Variants in DNAAF3 observed in about 807,000 individuals in gnomAD.
The protein encoded by DNAAF3 is dynein axonemal assembly factor 3, also known as UPF0470 protein C19orf51.
In DNAAF3, 40 loss-of-function variants were observed where a neutral mutation model predicts 50.9. That is an observed-to-expected ratio of 0.79 (90% CI 0.61 to 1.02). DNAAF3 has a LOEUF of 1.02. DNAAF3 is among the 50% of genes least tolerant of loss of function. The pLI is 0.00. For missense variants in DNAAF3, 763 were observed against 744.7 expected (o/e 1.02, Z -0.29); for synonymous variants, 327 against 322.8 (o/e 1.01, Z -0.14).
At position 55,160,757 on chromosome 19, in the gene DNAAF3, G is replaced by C. The variant is rs1435089653; in HGVS notation, c.931C>G (p.Gln311Glu). ...CGGAGCAGCTCCGTCACGTTGTGTT[G>C]AGTGATCTCCCCGGCCGTCTAACAG... is the stretch of plus-strand genomic sequence containing the variant. ...QPVKTAGEIT[Q>E]HNVTELLRDV... The change falls in exon 9 of 12, where the codon CAA becomes GAA. Residue 311 changes from glutamine to glutamate, a missense_variant. Gln to Glu is a conservative substitution (Grantham distance 29, BLOSUM62 2). Coordinates refer to ENST00000524407, the MANE Select transcript of DNAAF3 (RefSeq NM_001256715.2). The surrounding 1 kb of genome is among the most constrained non-coding windows in gnomAD (Gnocchi z 4.7). 3.7e-6 allele frequency: 6 copies of C among 1,611,530 alleles called. No individual in the cohort carries two copies. Among genetic ancestry groups the C allele is most frequent in the Non-Finnish European group, 5.1e-6 (6 of 1,179,662 alleles).
chr19:55,159,212 G>GC lies in DNAAF3; in HGVS notation c.1475dup (p.Leu493ProfsTer13), dbSNP rs1258490043. On this transcript the variant is annotated frameshift_variant, in exon 12 of 12. Transcript: ENST00000524407. LOFTEE classifies it low-confidence loss of function (END_TRUNC). ...TCCCACCCTGCAGAGGCTGGGTCAG[G>GC]CCCTCAAGGGCTGGGTTGCTGGCTT... 7 of 1,613,788 alleles carry GC rather than the reference G, an allele frequency of 4.3e-6. No individual in the cohort carries two copies. In the African/African-American group the frequency reaches 9.3e-5, roughly 22 times the overall value.
In DNAAF3 at chr19:55,158,985, C is replaced by T; in HGVS notation, c.*77G>A. The T allele has an allele frequency of 6.8e-7, 1 of 1,480,632 alleles. No homozygotes were observed. The highest frequency in any genetic ancestry group is 9.0e-7 in the Non-Finnish European group (1 of 1,105,904). 91.7% of individuals were successfully genotyped at this position (1,480,632 alleles called of 1,614,324 possible). ...TAAAATTGAGGACTCTAGCAGCGGA[C>T]TTAGAATGGTATCAGCGGGTTCTCA... is the stretch of plus-strand genomic sequence containing the variant. On this transcript the variant is annotated 3_prime_UTR_variant, in exon 12 of 12. Transcript: ENST00000524407.
chr19:55,162,444 G>T, intron 4 of DNAAF3, 154 bp from the exon 5 acceptor site: 1 of 973,404 alleles, frequency 1.0e-6, no homozygotes, highest in Non-Finnish European at 1.3e-6. Context: ...GAACAGGGCC[G>T]GACATGGTGG....
At chr19:55,162,997 C>CTTTTTTTTT (rs576178532) in intron 4 of DNAAF3, among the ~76,000 whole-genome samples, 48 of 92,202 alleles carry the variant, frequency 5.2e-4, no homozygotes, top group Non-Finnish European at 8.1e-4. Flanking sequence ...TTTTCTTTTT[C>CTTTTTTTTT]TTTTTTTTTT....
chr19:55,161,897 C>T lies in DNAAF3; in HGVS notation c.481-72G>A. 1 of 1,368,474 alleles carries T rather than the reference C, an allele frequency of 7.3e-7. No homozygotes were observed. Among genetic ancestry groups the T allele is most frequent in the Non-Finnish European group, 9.4e-7 (1 of 1,062,414 alleles). 84.8% of individuals were successfully genotyped at this position (1,368,474 alleles called of 1,614,324 possible). A position where few individuals can be genotyped will look rare whatever the true frequency, so the allele number is the denominator to read the frequency against. ...GCAGGGAGAGCGGATTCTAATTGAC[C>T]CTCTCTTCCATCCCAGAACAGGGGA... On this transcript the variant is annotated intron_variant, in intron 5 of 11. Transcript: ENST00000524407. This position sits in a 1 kb window ranked among gnomAD's most constrained non-coding sequence, Gnocchi z 6.4.
Position 55,161,316 on chromosome 19 carries a change from C to T in DNAAF3, c.766G>A (p.Ala256Thr). 1 of 1,610,822 alleles carries T rather than the reference C, an allele frequency of 6.2e-7. No homozygotes were observed. The highest frequency in any genetic ancestry group is 8.5e-7 in the Non-Finnish European group (1 of 1,178,508). ...ACGTAGCTCAGGAGGCGACCGGACG[C>T]CAGGGTCCGGTTGGGCACATGATAG... ...SAYHVPNRTL[A>T]SGRLLSYRGE... The change falls in exon 7 of 12, where the codon GCG (alanine) becomes ACG (threonine). Residue 256 changes from alanine (A) to threonine (T), a missense_variant. Ala to Thr is a moderately conservative substitution (Grantham distance 58). Transcript: ENST00000524407. The surrounding 1 kb of genome is among the most constrained non-coding windows in gnomAD (Gnocchi z 6.4).
chr19:55,164,769 C>T (rs1458558541), intron 4 of DNAAF3, among the ~76,000 whole-genome samples: 1 of 152,006 alleles, frequency 6.6e-6, no homozygotes, highest in African/African-American at 2.4e-5. Flanking sequence ...GTGATCTGCC[C>T]ACCTCAGCCT....
At chr19:55,162,044 G>A in intron 5 of DNAAF3, 89 bp downstream of exon 5, 1 of 1,324,240 alleles carries the variant, frequency 7.6e-7, no homozygotes, top group African/African-American at 1.5e-5. Flanking sequence ...CTAGCCCGCC[G>A]CCTGCTCCAT....
In DNAAF3 at chr19:55,160,719, G is replaced by A. The variant is rs899402543; in HGVS notation, c.969C>T (p.Ala323=). 42 of 1,613,114 alleles carry A rather than the reference G, an allele frequency of 2.6e-5. No individual in the cohort carries two copies. The highest frequency in any genetic ancestry group is 3.6e-5 in the Non-Finnish European group (42 of 1,179,900). The change falls in exon 9 of 12, where the codon GCC becomes GCT. Residue 323 remains alanine (A), a synonymous_variant. Coordinates refer to ENST00000524407, the MANE Select transcript of DNAAF3 (RefSeq NM_001256715.2). The surrounding 1 kb of genome is among the most constrained non-coding windows in gnomAD (Gnocchi z 4.7). The part of the protein sequence containing the change: ...NVTELLRDVA[A]WGRARATGGD... ...CCCCGGTGGCTCTCGCGCGCCCCCA[G>A]GCGGCCACGTCGCGGAGCAGCTCCG...
chr19:55,162,690 G>A (rs958830402), intron 4 of DNAAF3: 62 of 987,038 alleles, frequency 6.3e-5, no homozygotes, highest in Non-Finnish European at 7.1e-5. Context: ...CAACACAACA[G>A]TAAAAAATAA....
Position 55,159,111 on chromosome 19 carries a change from C to T in DNAAF3, c.1577G>A (p.Gly526Glu), listed in dbSNP as rs770223653. ...SLSEVLAQPQ[G>E]ALAPPNCESD... ...CTCACAGTTGGGCGGAGCCAAGGCC[C>T]CCTGAGGCTGAGCCAGAACCTCTGA... The change falls in exon 12 of 12, where the codon GGG becomes GAG. Residue 526 changes from glycine (G) to glutamate (E), a missense_variant. Physicochemically the swap from Gly to Glu is moderately conservative, Grantham distance 98 (BLOSUM62 -2). Coordinates refer to ENST00000524407, the MANE Select transcript of DNAAF3 (RefSeq NM_001256715.2). 3.7e-6 allele frequency: 6 copies of T among 1,612,150 alleles called. No homozygotes were observed. The highest frequency in any genetic ancestry group is 2.2e-5 in the East Asian group (1 of 44,842).
rs978101515 is a variant in DNAAF3, at chr19:55,160,990, C to A, written c.912+75G>T. ...GGTCTGGAGCTGGGGGCGGGGCCTGCTGTGGGGGCGGGGCCTTGCGCACCC... is the reference window on the plus strand; with the variant it reads ...GGTCTGGAGCTGGGGGCGGGGCCTGATGTGGGGGCGGGGCCTTGCGCACCC... On this transcript the variant is annotated intron_variant, in intron 8 of 11. Coordinates refer to ENST00000524407, the MANE Select transcript of DNAAF3 (RefSeq NM_001256715.2). The surrounding 1 kb of genome is among the most constrained non-coding windows in gnomAD (Gnocchi z 4.7). The A allele has an allele frequency of 3.4e-6, 5 of 1,475,676 alleles. No individual in the cohort carries two copies. The highest frequency in any genetic ancestry group is 2.8e-5 in the African/African-American group (2 of 70,718). 91.4% of individuals were successfully genotyped at this position (1,475,676 alleles called of 1,614,324 possible).
rs746451553 is a variant in DNAAF3 at position 55,160,749 on chromosome 19, G to A, written c.939C>T (p.Asn313=). ...VKTAGEITQH[N]VTELLRDVAA... is the part of the protein sequence containing the mutation. Reference sequence around the variant, plus strand: ...CCACGTCGCGGAGCAGCTCCGTCACGTTGTGTTGAGTGATCTCCCCGGCCG... The same window carrying A: ...CCACGTCGCGGAGCAGCTCCGTCACATTGTGTTGAGTGATCTCCCCGGCCG... Residue 313 remains asparagine, a synonymous_variant, in exon 9 of 12, where the codon AAC becomes AAT. Transcript: ENST00000524407. This position sits in a 1 kb window ranked among gnomAD's most constrained non-coding sequence, Gnocchi z 4.7. 1 of 1,611,906 alleles carries A rather than the reference G, an allele frequency of 6.2e-7. No homozygotes were observed. Among genetic ancestry groups the A allele is most frequent in the Non-Finnish European group, 8.5e-7 (1 of 1,179,728 alleles).
chr19:55,161,911 C>T lies in DNAAF3; in HGVS notation c.481-86G>A. 1.5e-6 allele frequency: 2 copies of T among 1,340,418 alleles called. No homozygotes were observed. The highest frequency in any genetic ancestry group is 1.9e-6 in the Non-Finnish European group (2 of 1,045,852). The allele number at this position is 1,340,418 out of a possible 1,614,324, so 83.0% of individuals were successfully genotyped here. On this transcript the variant is annotated intron_variant, in intron 5 of 11. Coordinates refer to ENST00000524407, the MANE Select transcript of DNAAF3 (RefSeq NM_001256715.2). The surrounding 1 kb of genome is among the most constrained non-coding windows in gnomAD (Gnocchi z 6.4). ...TTCTAATTGACCCTCTCTTCCATCC[C>T]AGAACAGGGGAACGATTCCCCCGTT... is the stretch of plus-strand genomic sequence containing the variant.
At chr19:55,165,738 G>A (rs749566440) in intron 3 of DNAAF3, 120 bp downstream of exon 3, 2 of 1,492,624 alleles carry the variant, frequency 1.3e-6, no homozygotes, top group Non-Finnish European at 1.8e-6. Flanking sequence ...CCCAGCTTCT[G>A]CCTCCCTCAG....
chr19:55,165,018 T>G (rs2085912016), intron 4 of DNAAF3, among the ~76,000 whole-genome samples: 2 of 139,582 alleles, frequency 1.4e-5, no homozygotes, highest in African/African-American at 2.7e-5. Context: ...GGAGTTTCGC[T>G]CTCTTTTTTT....
In DNAAF3 at chr19:55,159,256, T is replaced by A. The variant is rs776506898; in HGVS notation, c.1432A>T (p.Ile478Phe). ...AVEPGTPPLD[I>F]LAQPLEASNP... ...CTGGCTTCAAGAGGCTGGGCCAGGA[T>A]GTCAAGGGGCGGAGTTCCGGGTTCC... Residue 478 changes from isoleucine (I) to phenylalanine (F), a missense_variant, in exon 12 of 12, where the codon ATC (isoleucine) becomes TTC (phenylalanine). Transcript: ENST00000524407. 6.2e-7 allele frequency: 1 copy of A among 1,613,984 alleles called. No homozygotes were observed. The highest frequency in any genetic ancestry group is 8.5e-7 in the Non-Finnish European group (1 of 1,180,036).
rs1458769244 is a variant in DNAAF3, at chr19:55,159,880, C to G, written c.1163+19G>C. 1.2e-6 allele frequency: 2 copies of G among 1,611,514 alleles called. No homozygotes were observed. The highest frequency in any genetic ancestry group is 2.2e-5 in the East Asian group (1 of 44,872). On this transcript the variant is annotated intron_variant, in intron 10 of 11. Transcript: ENST00000524407. ...GCCTGATCCTGGGTCTTTGTGAGCA[C>G]AGCTGCCTCCCCGCTTACCCACAGG...
chr19:55,165,413 G>A lies in DNAAF3; in HGVS notation c.279C>T (p.Ile93=), dbSNP rs1253782608. The A allele has an allele frequency of 6.2e-7, 1 of 1,614,174 alleles. No individual in the cohort carries two copies. Among genetic ancestry groups the A allele is most frequent in the Non-Finnish European group, 8.5e-7 (1 of 1,180,038 alleles). Residue 93 remains isoleucine, a synonymous_variant, in exon 4 of 12, where the codon ATC becomes ATT. Coordinates refer to ENST00000524407, the MANE Select transcript of DNAAF3 (RefSeq NM_001256715.2). Reference sequence around the variant, plus strand: ...CCGGTTCCTCCAGGGCTAGGCTGAAGATCAGCATGTGTCGGGCCACAGCTT... The same window carrying A: ...CCGGTTCCTCCAGGGCTAGGCTGAAAATCAGCATGTGTCGGGCCACAGCTT... The part of the protein sequence containing the change: ...NLEAVARHML[I]FSLALEEPEK...
Sources: gnomAD v4.1 joint callset for allele counts (sites outside exome capture counted in the v4.1 genomes callset) on GRCh38, gnomAD v4.1.1 for gene constraint, Gnocchi (gnomAD v3.1) non-coding constraint, MANE v1.5 for transcripts, NCBI Gene and HGNC (gene_info 2026-07-23, HGNC 2026-07-21) for gene names.